Variants in PDZD2 observed in about 807,000 individuals in gnomAD.
PDZD2 encodes the protein PDZ domain-containing protein 2.
PDZD2 carries 90 observed loss-of-function variants against 220.7 expected under a neutral mutation model. The observed-to-expected ratio is 0.41, with a 90% CI of 0.34 to 0.49. The LOEUF is 0.49. PDZD2 is among the 20% of genes least tolerant of loss of function. PDZD2 has a pLI of 0.28. For synonymous variants in PDZD2, 1,375 were observed against 1,450.5 expected, an observed-to-expected ratio of 0.95 and a Z score of 1.18; for missense variants, 3,174 against 3,608.5, an observed-to-expected ratio of 0.88 and a Z score of 3.08.
chr5:31,706,279 C>G (rs1263427607), intron 1 of PDZD2, among the ~76,000 whole-genome samples: 1 of 152,128 alleles, frequency 6.6e-6, no homozygotes, highest in African/African-American at 2.4e-5. Context: ...GTAGACAAAG[C>G]ACATGGAGTA....
chr5:31,699,370 G>A (rs910382536), intron 1 of PDZD2, among the ~76,000 whole-genome samples: 1 of 152,148 alleles, frequency 6.6e-6, no homozygotes, highest in Non-Finnish European at 1.5e-5. Context: ...GTTCAGGAAA[G>A]TACCTGTGGT....
intron 24 of PDZD2, chr5:32,106,553 A>G (rs1744782350): frequency 6.6e-6 from 1 of 152,252 alleles, no homozygotes; most frequent in African/African-American, 2.4e-5. Context: ...CAGATGAGAA[A>G]ACTGGAGTTT....
intron 2 of PDZD2, among the ~76,000 whole-genome samples, chr5:31,949,684 T>C (rs1007830160): frequency 5.3e-5 from 8 of 151,248 alleles, no homozygotes; most frequent in Non-Finnish European, 1.0e-4. Context: ...TTTTTTTTTT[T>C]TTTAACAAGA....
At position 31,646,671 on chromosome 5, in the gene PDZD2, A is replaced by G. The variant is rs1446157337; in HGVS notation, c.-361+7234A>G. Among the ~76,000 whole-genome samples the G allele has an allele frequency of 6.6e-6, 1 of 152,170 alleles. No homozygotes were observed. The highest frequency in any genetic ancestry group is 1.5e-5 in the Non-Finnish European group (1 of 68,028). On this transcript the variant is annotated intron_variant, in intron 1 of 24. Transcript: ENST00000438447. The surrounding 1 kb of genome is among the most constrained non-coding windows in gnomAD (Gnocchi z 4.7). ...GATTTGGGTAAAACTAGATTGTGCT[A>G]TATGGGTCTCCTGATGAAGAGAATT...
chr5:31,657,129 A>G (rs1254018648), intron 1 of PDZD2: 6 of 152,238 alleles, frequency 3.9e-5, no homozygotes, highest in African/African-American at 1.4e-4. Flanking sequence ...AAGAAACAGC[A>G]AAGAAAAGCA....
intron 2 of PDZD2, among the ~76,000 whole-genome samples, chr5:31,938,789 T>TAGAG (rs1745977720): frequency 6.6e-6 from 1 of 152,250 alleles, no homozygotes; most frequent in Non-Finnish European, 1.5e-5. Flanking sequence ...ACCTTACCTC[T>TAGAG]GAACATGCAG....
At chr5:31,717,710 G>A (rs116344320) in intron 1 of PDZD2, among the ~76,000 whole-genome samples, 2,928 of 152,278 alleles carry the variant, frequency 0.019, 101 homozygotes, top group African/African-American at 0.067. Context: ...TCCCCATTCC[G>A]TTGTCCTCTG....
intron 1 of PDZD2, among the ~76,000 whole-genome samples, chr5:31,664,479 G>C (rs1474351495): frequency 2.2e-5 from 3 of 135,254 alleles, no homozygotes; most frequent in South Asian, 2.5e-4. Flanking sequence ...CACACACACA[G>C]GCGCATGCAT....
In PDZD2 at chr5:31,889,372, C is replaced by T. The variant is rs1995362; in HGVS notation, c.476+89648C>T. Among the ~76,000 whole-genome samples the T allele has an allele frequency of 4.6e-5, 7 of 152,276 alleles. No individual in the cohort carries two copies. The East Asian group carries it at 1.2e-3, about 25-fold the overall frequency. ...CTTTTAACACTTGGCCAGGGGAGGA[C>T]TGTGTCCTTTTGTTTTGTTAAATAG... On this transcript the variant is annotated intron_variant, in intron 2 of 24. Transcript: ENST00000438447.
chr5:31,847,682 G>T, intron 2 of PDZD2: 1 of 607,914 alleles, frequency 1.6e-6, no homozygotes, highest in South Asian at 1.4e-5. Flanking sequence ...GGCCAGCCCG[G>T]TGCCTTTACC....
chr5:31,796,635 G>A (rs779392835), intron 1 of PDZD2, among the ~76,000 whole-genome samples: 1 of 152,148 alleles, frequency 6.6e-6, no homozygotes, highest in Non-Finnish European at 1.5e-5. Context: ...GGGAGCGGGA[G>A]AGGTGTTATC....
intron 2 of PDZD2, among the ~76,000 whole-genome samples, chr5:31,958,291 T>C (rs1038660066): frequency 6.6e-6 from 1 of 152,112 alleles, no homozygotes; most frequent in Non-Finnish European, 1.5e-5. Context: ...TCTCACTCTT[T>C]TGCCCAGGCT....
At chr5:32,002,801 C>T (rs1420290642) in intron 5 of PDZD2, among the ~76,000 whole-genome samples, 1 of 128,104 alleles carries the variant, frequency 7.8e-6, no homozygotes, top group Non-Finnish European at 1.6e-5. Context: ...ACACCACCAA[C>T]ACAACCACCA....
intron 10 of PDZD2, among the ~76,000 whole-genome samples, chr5:32,056,972 T>C (rs1739147124): frequency 6.6e-6 from 1 of 152,120 alleles, no homozygotes; most frequent in South Asian, 2.1e-4. Flanking sequence ...CGTGCACCTG[T>C]ATTCCCAGCT....
intron 7 of PDZD2, among the ~76,000 whole-genome samples, chr5:32,041,811 C>T (rs1756176126): frequency 6.6e-6 from 1 of 151,118 alleles, no homozygotes; most frequent in Non-Finnish European, 1.5e-5. Flanking sequence ...ACATCCCCCT[C>T]TCCGAGAAAC....
chr5:31,973,285 A>C (rs1749468109), intron 2 of PDZD2, among the ~76,000 whole-genome samples: 1 of 152,216 alleles, frequency 6.6e-6, no homozygotes. Context: ...ACTTTGTTGT[A>C]AGAGTGTAAA....
chr5:31,920,838 T>G (rs1374282757), intron 2 of PDZD2, among the ~76,000 whole-genome samples: 1 of 152,212 alleles, frequency 6.6e-6, no homozygotes, highest in East Asian at 1.9e-4. Context: ...TTTTGCCGTT[T>G]CCAGAATGTC....
At chr5:31,927,965 C>T (rs550616475) in intron 2 of PDZD2, among the ~76,000 whole-genome samples, 1 of 152,250 alleles carries the variant, frequency 6.6e-6, no homozygotes, top group East Asian at 1.9e-4. Flanking sequence ...ATGGCTCCTT[C>T]TTGAAGAAAA....
chr5:32,097,911 A>G (rs1017559613), intron 22 of PDZD2, among the ~76,000 whole-genome samples: 40 of 152,082 alleles, frequency 2.6e-4, no homozygotes, highest in Non-Finnish European at 4.6e-4. Flanking sequence ...CATCCCCCGC[A>G]CTGAATGTAT....
Sources: allele counts gnomAD v4.1 joint callset (sites outside exome capture counted in the v4.1 genomes callset), GRCh38; gene constraint gnomAD v4.1.1; non-coding constraint Gnocchi (gnomAD v3.1); transcripts MANE v1.5; gene names NCBI Gene and HGNC (gene_info 2026-07-23, HGNC 2026-07-21).